The following FAAH2 variants were observed in gnomAD, a reference collection of about 807,000 sequenced individuals.
FAAH2 encodes fatty-acid amide hydrolase 2.
Under a neutral mutation model 36.9 loss-of-function variants are expected in FAAH2, and 60 were observed. The ratio of observed to expected loss-of-function variants is 1.63; its 90% CI spans 1.32 to 2.02. FAAH2 has a LOEUF of 2.02. Among genes scored for constraint, FAAH2 ranks in the 30% most tolerant of loss-of-function variants. The probability of loss-of-function intolerance (pLI) is 0.00; values close to 1 mark genes in which losing one functional copy is unlikely to be tolerated. For missense variants in FAAH2, 689 were observed against 397.5 expected (o/e 1.73, Z -6.23); for synonymous variants, 214 against 143.8 (o/e 1.49, Z -3.49).
intron 7 of FAAH2, chrX:57,393,061 A>G (rs943186805): frequency 2.3e-5 from 21 of 910,760 alleles, no homozygotes; most frequent in Non-Finnish European, 3.4e-5. Flanking sequence ...GCCAGGGCTA[A>G]GGTACCCTTG....
the FAAH2 span, among the ~76,000 whole-genome samples, chrX:57,180,126 G>A: frequency 7.2e-5 from 8 of 111,796 alleles, no homozygotes; most frequent in African/African-American, 2.6e-4. Context: ...GTGTTAAGCA[G>A]TACATTTATA....
At chrX:57,331,992 T>G (rs561704860) in intron 4 of FAAH2, among the ~76,000 whole-genome samples, 185 bp downstream of exon 4, 10 of 111,616 alleles carry the variant, frequency 9.0e-5, no homozygotes, top group Admixed American at 3.8e-4. Flanking sequence ...ACTCTGATAT[T>G]TTGAAGATAG....
chrX:57,256,503 G>A, the FAAH2 span, among the ~76,000 whole-genome samples: 2 of 111,446 alleles, frequency 1.8e-5, no homozygotes, highest in South Asian at 3.7e-4. Context: ...AAGGCACCAC[G>A]CTACCTGACT....
chrX:57,275,746 A>T, the FAAH2 span, among the ~76,000 whole-genome samples: 1 of 73,994 alleles, frequency 1.4e-5, no homozygotes, highest in East Asian at 3.5e-4. Context: ...AGTAAAAGGA[A>T]AGCCAAAAAA....
intron 2 of FAAH2, among the ~76,000 whole-genome samples, chrX:57,295,187 CT>C (rs778634609): frequency 3.4e-4 from 38 of 111,941 alleles, no homozygotes; most frequent in African/African-American, 9.1e-4. Context: ...TGAGAAGCAG[CT>C]GCCAGCTGAC....
chrX:57,439,008 A>G lies in FAAH2; in HGVS notation c.1116+6971A>G, dbSNP rs553325811. Reference sequence around the variant, plus strand: ...TCTTAATCCAGTCTATCGTTGTTGGACATTTGGGTTGGTTCCAAGTCTTCG... The same window carrying G: ...TCTTAATCCAGTCTATCGTTGTTGGGCATTTGGGTTGGTTCCAAGTCTTCG... On this transcript the variant is annotated intron_variant, in intron 8 of 10. Coordinates refer to ENST00000374900, the MANE Select transcript of FAAH2 (RefSeq NM_174912.4). Among the ~76,000 whole-genome samples the G allele has an allele frequency of 2.0e-4, 22 of 110,796 alleles. No homozygotes were observed. The South Asian group carries it at 8.4e-3, about 43-fold the overall frequency.
intron 3 of FAAH2, among the ~76,000 whole-genome samples, chrX:57,329,682 G>A (rs779557378): frequency 3.5e-4 from 38 of 109,745 alleles, no homozygotes; most frequent in Non-Finnish European, 5.9e-4. Flanking sequence ...GGAGGTCATC[G>A]TGGGCGAGTG....
intron 7 of FAAH2, among the ~76,000 whole-genome samples, chrX:57,387,483 C>T (rs1239671852): frequency 1.8e-5 from 2 of 110,936 alleles, no homozygotes; most frequent in Non-Finnish European, 3.8e-5. Context: ...ATGAGGAAAA[C>T]AGAGAAGACA....
chrX:57,410,951 T>C (rs1209975530), intron 7 of FAAH2, among the ~76,000 whole-genome samples: 2 of 111,945 alleles, frequency 1.8e-5, no homozygotes, highest in Non-Finnish European at 3.8e-5. Flanking sequence ...GGTCAGTCAC[T>C]GGGGCTTTAT....
chrX:57,281,217 G>T, the FAAH2 span, among the ~76,000 whole-genome samples: 3 of 111,742 alleles, frequency 2.7e-5, no homozygotes, highest in Admixed American at 2.9e-4. Flanking sequence ...AGGGCACCTG[G>T]AATCTCTCTG....
At chrX:57,415,795 T>C (rs1569328784) in intron 7 of FAAH2, among the ~76,000 whole-genome samples, 1 of 110,939 alleles carries the variant, frequency 9.0e-6, no homozygotes, top group Non-Finnish European at 1.9e-5. Flanking sequence ...ATTTTCTGTG[T>C]TTTTGATCTG....
intron 2 of FAAH2, among the ~76,000 whole-genome samples, chrX:57,295,309 A>G (rs931688092): frequency 8.9e-6 from 1 of 112,390 alleles, no homozygotes. Context: ...TGTTGAAACA[A>G]TGGTGTCAGG....
At chrX:57,417,753 G>T (rs1212341560) in intron 7 of FAAH2, among the ~76,000 whole-genome samples, 3 of 112,027 alleles carry the variant, frequency 2.7e-5, no homozygotes, top group Non-Finnish European at 5.6e-5. Context: ...CAGAGCTCTA[G>T]TGCTGTTCTG....
the FAAH2 span, among the ~76,000 whole-genome samples, chrX:57,194,538 C>A: frequency 9.0e-6 from 1 of 110,950 alleles, no homozygotes. Flanking sequence ...TCTAACTATG[C>A]ATTTTCTGTG....
chrX:57,383,100 G>C (rs2054902501), intron 7 of FAAH2, among the ~76,000 whole-genome samples: 1 of 111,713 alleles, frequency 9.0e-6, no homozygotes, highest in African/African-American at 3.3e-5. Flanking sequence ...AATAGATGCA[G>C]AAAAGGCCTT....
At chrX:57,264,942 G>A in the FAAH2 span, among the ~76,000 whole-genome samples, 8 of 111,805 alleles carry the variant, frequency 7.2e-5, no homozygotes, top group African/African-American at 2.6e-4. Flanking sequence ...ACTCGCATTG[G>A]GACTATTCAA....
chrX:57,390,302 G>A (rs2055134485), intron 7 of FAAH2, among the ~76,000 whole-genome samples: 1 of 111,177 alleles, frequency 9.0e-6, no homozygotes, highest in Non-Finnish European at 1.9e-5. Flanking sequence ...TTTCCTCTAG[G>A]AATTTCACAG....
intron 8 of FAAH2, among the ~76,000 whole-genome samples, chrX:57,434,756 G>T (rs1406607319): frequency 9.0e-6 from 1 of 111,470 alleles, no homozygotes; most frequent in Non-Finnish European, 1.9e-5. Flanking sequence ...AGTGTAGCAA[G>T]AGATTTAGAC....
intron 8 of FAAH2, among the ~76,000 whole-genome samples, chrX:57,445,599 G>C (rs1602692495): frequency 1.8e-5 from 2 of 111,869 alleles, no homozygotes; most frequent in South Asian, 7.5e-4. Flanking sequence ...CTTCTCACTA[G>C]AGTGGGTCTA....
Sources: gnomAD v4.1 joint callset for allele counts (sites outside exome capture counted in the v4.1 genomes callset) on GRCh38, gnomAD v4.1.1 for gene constraint, MANE v1.5 for transcripts, NCBI Gene and HGNC (gene_info 2026-07-23, HGNC 2026-07-21) for gene names.